ZNF654: variants seen among roughly 807,000 people sequenced by gnomAD.
ZNF654 encodes the protein melanoma-associated antigen.
ZNF654 carries 19 observed loss-of-function variants against 95.3 expected under a neutral mutation model. The observed-to-expected ratio is 0.20, with a 90% CI of 0.14 to 0.29. ZNF654 has a LOEUF of 0.29. Ranked by LOEUF, ZNF654 falls within the 10% of genes least tolerant of loss-of-function variation. ZNF654 has a pLI of 1.00. For synonymous variants in ZNF654, 413 were observed against 457.9 expected (o/e 0.90, Z 1.25); for missense variants, 1,046 against 1,341.0 (o/e 0.78, Z 3.44).
intron 3 of ZNF654, among the ~76,000 whole-genome samples, chr3:88,124,620 T>C (rs377085600): frequency 1.3e-4 from 20 of 152,352 alleles, no homozygotes; most frequent in African/African-American, 4.6e-4. Context: ...GTAGCCTTGA[T>C]TCATCTAATA....
Position 88,139,211 on chromosome 3 carries a change from T to C in ZNF654, c.1542T>C (p.Asp514=). ...GCACTGGAGAGACTGATCCTGATGATGTATCTGGAGTGCAGCCTAAAGGTC... is the reference window on the plus strand; with the variant it reads ...GCACTGGAGAGACTGATCCTGATGACGTATCTGGAGTGCAGCCTAAAGGTC... ...DQSTGETDPD[D]VSGVQPKGHI... The change falls in exon 8 of 9, where the codon GAT becomes GAC. Residue 514 remains aspartate (D), a synonymous_variant. Transcript: ENST00000636215. 1 of 1,464,184 alleles carries C rather than the reference T, an allele frequency of 6.8e-7. No individual in the cohort carries two copies. The highest frequency in any genetic ancestry group is 9.0e-7 in the Non-Finnish European group (1 of 1,110,098). 90.7% of individuals were successfully genotyped at this position (1,464,184 alleles called of 1,614,324 possible). A position where few individuals can be genotyped will look rare whatever the true frequency, so the allele number is the denominator to read the frequency against.
intron 2 of ZNF654, chr3:88,095,614 G>C: frequency 1.9e-6 from 1 of 517,284 alleles, no homozygotes; most frequent in South Asian, 1.4e-5. Context: ...ATCTTTTCTG[G>C]TTCTAGTCTT....
In ZNF654 at chr3:88,139,556, A is replaced by C; in HGVS notation, c.1887A>C (p.Glu629Asp). The C allele has an allele frequency of 1.9e-6, 3 of 1,613,566 alleles. No homozygotes were observed. In the South Asian group the frequency reaches 3.3e-5, roughly 18 times the overall value. Reference sequence around the variant, plus strand: ...GTTCTAGTTCTTCCATTTCATTTGAAAATGGGAATTCTGATAGTAAGGATT... The same window carrying C: ...GTTCTAGTTCTTCCATTTCATTTGACAATGGGAATTCTGATAGTAAGGATT... ...INCSSSSISF[E>D]NGNSDSKDLE... is the part of the protein sequence containing the mutation. The change falls in exon 8 of 9, where the codon GAA becomes GAC. Residue 629 changes from glutamate (E) to aspartate (D), a missense_variant. Transcript: ENST00000636215.
intron 2 of ZNF654, among the ~76,000 whole-genome samples, chr3:88,093,677 T>C (rs537088869): frequency 6.6e-6 from 1 of 152,236 alleles, no homozygotes; most frequent in Non-Finnish European, 1.5e-5. Flanking sequence ...CCTTTCTGAT[T>C]ATGTTGCTAA....
At chr3:88,083,515 C>T (rs1412236695) in intron 1 of ZNF654, among the ~76,000 whole-genome samples, 3 of 152,148 alleles carry the variant, frequency 2.0e-5, no homozygotes, top group African/African-American at 7.2e-5. Context: ...TATATCATAG[C>T]GTGCTTCTGG....
intron 2 of ZNF654, among the ~76,000 whole-genome samples, chr3:88,090,251 G>A (rs1258918373): frequency 1.3e-5 from 2 of 152,174 alleles, no homozygotes; most frequent in Non-Finnish European, 2.9e-5. Flanking sequence ...CTTCATGCAT[G>A]TTATTGCCCC....
Position 88,129,639 on chromosome 3 carries a change from C to T in ZNF654, c.754-48C>T, listed in dbSNP as rs1706329680. ...TTTAAACATTTATTGCAACTAGCTTCTTAGATATTTTTAATTATATGAACT... is the reference window on the plus strand; with the variant it reads ...TTTAAACATTTATTGCAACTAGCTTTTTAGATATTTTTAATTATATGAACT... On this transcript the variant is annotated intron_variant, in intron 5 of 8. Transcript: ENST00000636215. 4 of 1,317,434 alleles carry T rather than the reference C, an allele frequency of 3.0e-6. No homozygotes were observed. In the South Asian group the frequency reaches 6.0e-5, roughly 20 times the overall value. The allele number at this position is 1,317,434 out of a possible 1,614,324, so 81.6% of individuals were successfully genotyped here.
intron 7 of ZNF654, 99 bp from the exon 8 acceptor site, chr3:88,138,606 T>C (rs1466036805): frequency 5.9e-6 from 4 of 674,050 alleles, no homozygotes; most frequent in African/African-American, 1.9e-5. Context: ...ACTATGTTTA[T>C]TCAGCTTTCA....
intron 1 of ZNF654, among the ~76,000 whole-genome samples, chr3:88,060,095 G>A (rs1235820513): frequency 2.6e-5 from 4 of 152,128 alleles, no homozygotes; most frequent in African/African-American, 7.2e-5. Flanking sequence ...CGGACAGAGA[G>A]TGCGTTAAGG....
chr3:88,122,868 G>C (rs1705855148), intron 3 of ZNF654, among the ~76,000 whole-genome samples: 1 of 151,834 alleles, frequency 6.6e-6, no homozygotes, highest in Non-Finnish European at 1.5e-5. Context: ...AAATTAGCTA[G>C]GCATGGTGGT....
Position 88,140,568 on chromosome 3 carries a change from T to C in ZNF654, c.2899T>C (p.Ser967Pro). ...DQKMPDIEPNSENNCSSSDIV... is the reference protein window; with the variant it reads ...DQKMPDIEPNPENNCSSSDIV... ...AAAGATGCCTGACATAGAGCCAAAT[T>C]CTGAAAATAATTGTAGTAGTAGTGA... Residue 967 changes from serine to proline, a missense_variant, in exon 8 of 9, where the codon TCT becomes CCT. By Grantham distance (74) the Ser-to-Pro change is moderately conservative. This residue lies in a region of ZNF654 where 495 missense variants were observed against 537.0 expected (regional missense o/e 0.92). Coordinates refer to ENST00000636215, the MANE Select transcript of ZNF654 (RefSeq NM_001350134.2). 6.2e-7 allele frequency: 1 copy of C among 1,613,668 alleles called. No individual in the cohort carries two copies. The highest frequency in any genetic ancestry group is 8.5e-7 in the Non-Finnish European group (1 of 1,179,702).
At chr3:88,080,974 T>C (rs1708045939) in intron 1 of ZNF654, among the ~76,000 whole-genome samples, 1 of 152,230 alleles carries the variant, frequency 6.6e-6, no homozygotes, top group Non-Finnish European at 1.5e-5. Context: ...CAGGATGTTA[T>C]CCGTGATCTC....
At chr3:88,105,130 C>T (rs1704658357) in intron 2 of ZNF654, among the ~76,000 whole-genome samples, 1 of 152,322 alleles carries the variant, frequency 6.6e-6, no homozygotes, top group African/African-American at 2.4e-5. Flanking sequence ...GAGAGCAAGA[C>T]TCCATCTCAG....
At chr3:88,115,326 A>C (rs971903647) in intron 3 of ZNF654, among the ~76,000 whole-genome samples, 41 of 152,190 alleles carry the variant, frequency 2.7e-4, no homozygotes, top group Admixed American at 7.2e-4. Flanking sequence ...TTTGCTGCTT[A>C]CACTGTGTCA....
intron 2 of ZNF654, among the ~76,000 whole-genome samples, chr3:88,094,416 T>C (rs1703934442): frequency 6.6e-6 from 1 of 152,124 alleles, no homozygotes; most frequent in East Asian, 1.9e-4. Context: ...GATTACTAAT[T>C]GGTATATTTC....
At chr3:88,137,424 C>T (rs1013785102) in intron 7 of ZNF654, among the ~76,000 whole-genome samples, 7 of 152,078 alleles carry the variant, frequency 4.6e-5, no homozygotes, top group African/African-American at 1.7e-4. Flanking sequence ...CTGATTTTCA[C>T]TCATTCTGCA....
chr3:88,076,476 C>T (rs1437675218), intron 1 of ZNF654, among the ~76,000 whole-genome samples: 1 of 151,956 alleles, frequency 6.6e-6, no homozygotes, highest in Non-Finnish European at 1.5e-5. Flanking sequence ...ACTTTTATTC[C>T]TAAGGAAGTC....
intron 2 of ZNF654, among the ~76,000 whole-genome samples, chr3:88,088,747 T>C (rs1708469532): frequency 1.3e-5 from 1 of 79,560 alleles, no homozygotes; most frequent in South Asian, 3.9e-4. Context: ...CCTTTATTTA[T>C]GTATGTATGT....
chr3:88,099,189 T>C (rs1000621905), intron 2 of ZNF654, among the ~76,000 whole-genome samples: 1 of 151,904 alleles, frequency 6.6e-6, no homozygotes, highest in Non-Finnish European at 1.5e-5. Context: ...TCTACACCAA[T>C]AACAGACAGA....
Sources: allele counts gnomAD v4.1 joint callset (sites outside exome capture counted in the v4.1 genomes callset), GRCh38; gene constraint gnomAD v4.1.1; regional missense constraint gnomAD v4.1.1; transcripts MANE v1.5; gene names NCBI Gene and HGNC (gene_info 2026-07-23, HGNC 2026-07-21).